SYT16: variants seen among roughly 807,000 people sequenced by gnomAD.
The protein encoded by SYT16 is synaptotagmin-16.
SYT16 carries 42 observed loss-of-function variants against 61.4 expected under a neutral mutation model. The observed-to-expected ratio is 0.68, with a 90% CI of 0.53 to 0.89. The LOEUF (loss-of-function observed/expected upper bound fraction) is 0.89, where lower values mean the gene tolerates loss of function less well. Among genes scored for constraint, SYT16 ranks in the 40% least tolerant of loss-of-function variants. The probability of loss-of-function intolerance (pLI) is 0.00; values close to 1 mark genes in which losing one functional copy is unlikely to be tolerated. For missense variants in SYT16, 804 were observed against 807.3 expected (o/e 1.00, Z 0.05); for synonymous variants, 314 against 302.3 (o/e 1.04, Z -0.40).
chr14:61,899,321 G>A (rs1222629420), intron 1 of SYT16, among the ~76,000 whole-genome samples: 3 of 152,180 alleles, frequency 2.0e-5, no homozygotes, highest in Non-Finnish European at 4.4e-5. Flanking sequence ...AGGAGAGGCT[G>A]CTGAAATCTA....
chr14:61,833,903 C>T (rs1403106394), intron 1 of SYT16, among the ~76,000 whole-genome samples: 1 of 150,314 alleles, frequency 6.7e-6, no homozygotes, highest in Non-Finnish European at 1.5e-5. Context: ...TTCTTTTTCC[C>T]TGTGGAGTCC....
At chr14:61,992,351 G>A (rs1437041222) in intron 2 of SYT16, among the ~76,000 whole-genome samples, 1 of 152,114 alleles carries the variant, frequency 6.6e-6, no homozygotes, top group Non-Finnish European at 1.5e-5. Flanking sequence ...GCGAGGAGTG[G>A]TAAGGAAAGG....
chr14:62,018,854 A>T (rs1809661902), intron 3 of SYT16, among the ~76,000 whole-genome samples: 1 of 151,848 alleles, frequency 6.6e-6, no homozygotes, highest in South Asian at 2.1e-4. Flanking sequence ...TTACTATTGG[A>T]CCTGTTTTAC....
rs545433450 is a variant in SYT16, at chr14:62,067,094, G to A, written c.524-2509G>A. Among the ~76,000 whole-genome samples the A allele has an allele frequency of 6.5e-4, 96 of 148,742 alleles. 1 individual carries two copies. In the South Asian group the frequency reaches 0.018, roughly 28 times the overall value. ...AAGAGTATTCTAAGCACAGGGAACC[G>A]TGTGTGTGCATGTGTGTGTGTGTGT... On this transcript the variant is annotated intron_variant, in intron 3 of 7. Transcript: ENST00000683842.
At chr14:62,083,576 GTGTTGTCTTTTTTC>G (rs777341745) in intron 6 of SYT16, among the ~76,000 whole-genome samples, 61 of 152,302 alleles carry the variant, frequency 4.0e-4, no homozygotes, top group Non-Finnish European at 8.1e-4. Context: ...CACAACCCAT[GTGTTGTCTTTTTTC>G]TCAAACAGTT....
intron 3 of SYT16, among the ~76,000 whole-genome samples, chr14:62,002,166 G>A (rs1022459435): frequency 6.6e-6 from 1 of 152,090 alleles, no homozygotes; most frequent in Admixed American, 6.6e-5. Context: ...TATATGTAGG[G>A]AAAGTATGCG....
chr14:62,048,381 G>A lies in SYT16; in HGVS notation c.524-21222G>A, dbSNP rs191817442. Among the ~76,000 whole-genome samples the A allele has an allele frequency of 9.6e-4, 146 of 151,752 alleles. 1 individual carries two copies. The highest frequency in any genetic ancestry group is 3.5e-3 in the African/African-American group (144 of 41,384). On this transcript the variant is annotated intron_variant, in intron 3 of 7. Transcript: ENST00000683842. Reference sequence around the variant, plus strand: ...TTCTTCTCTCTTTTTTTCTTTATTAGTCTTGCTAGCTGTCTATCAATTTTG... The same window carrying A: ...TTCTTCTCTCTTTTTTTCTTTATTAATCTTGCTAGCTGTCTATCAATTTTG...
At chr14:62,011,868 T>TACACACACACAC (rs1491125020) in intron 3 of SYT16, among the ~76,000 whole-genome samples, 19 of 62,164 alleles carry the variant, frequency 3.1e-4, no homozygotes, top group African/African-American at 8.9e-4. Context: ...CAGGGAACAC[T>TACACACACACAC]ATATATACAC....
In SYT16 at chr14:62,014,254, T is replaced by C. The variant is rs145192593; in HGVS notation, c.523+17712T>C. Among the ~76,000 whole-genome samples the C allele has an allele frequency of 7.9e-5, 12 of 152,316 alleles. No homozygotes were observed. In the East Asian group the frequency reaches 2.3e-3, roughly 29 times the overall value. Reference sequence around the variant, plus strand: ...ACATGTTTAAAAACATAACTAATCATCTTCCTTTCTTAGTTATGGACATCC... The same window carrying C: ...ACATGTTTAAAAACATAACTAATCACCTTCCTTTCTTAGTTATGGACATCC... On this transcript the variant is annotated intron_variant, in intron 3 of 7. Coordinates refer to ENST00000683842, the MANE Select transcript of SYT16 (RefSeq NM_001367656.1).
At chr14:62,073,203 A>G (rs760776836) in intron 4 of SYT16, among the ~76,000 whole-genome samples, 92 of 152,328 alleles carry the variant, frequency 6.0e-4, no homozygotes, top group Non-Finnish European at 8.1e-4. Context: ...GGCTTAATGT[A>G]GCTTTTGAAA....
chr14:61,951,048 A>T (rs1216933967), intron 1 of SYT16, among the ~76,000 whole-genome samples: 1 of 152,222 alleles, frequency 6.6e-6, no homozygotes, highest in Non-Finnish European at 1.5e-5. Flanking sequence ...TCTGAGCTTT[A>T]AAAAGGGACA....
At chr14:61,925,044 C>T (rs1205305660) in intron 1 of SYT16, among the ~76,000 whole-genome samples, 2 of 152,292 alleles carry the variant, frequency 1.3e-5, no homozygotes, top group Non-Finnish European at 2.9e-5. Flanking sequence ...TGGTTTCATC[C>T]AGTTGTTAGA....
At chr14:61,928,569 T>G (rs993704055) in intron 1 of SYT16, among the ~76,000 whole-genome samples, 4 of 152,168 alleles carry the variant, frequency 2.6e-5, no homozygotes, top group Non-Finnish European at 5.9e-5. Flanking sequence ...GATCAGGCAT[T>G]TACCTGATAA....
rs200813166 is a variant in SYT16 at position 61,896,076 on chromosome 14, A to ATT, written c.-324-74044_-324-74043dup. Among the ~76,000 whole-genome samples, 336 of 142,096 alleles carry ATT rather than the reference A, an allele frequency of 2.4e-3. 2 individuals are homozygous for ATT. Among genetic ancestry groups the ATT allele is most frequent in the African/African-American group, 8.3e-3 (322 of 38,902 alleles). The allele number at this position is 142,096 out of a possible 152,430, so 93.2% of individuals were successfully genotyped here. A position where few individuals can be genotyped will look rare whatever the true frequency, so the allele number is the denominator to read the frequency against. ...GATCTCAACTGGTCGCTTTGGAGCC[A>ATT]TTTTTTTTTTTTTGGAACTTGGTGG... is the stretch of plus-strand genomic sequence containing the variant. On this transcript the variant is annotated intron_variant, in intron 1 of 7. Coordinates refer to ENST00000683842, the MANE Select transcript of SYT16 (RefSeq NM_001367656.1).
intron 2 of SYT16, among the ~76,000 whole-genome samples, chr14:61,972,252 G>C (rs2051592915): frequency 6.6e-6 from 1 of 152,130 alleles, no homozygotes; most frequent in African/African-American, 2.4e-5. Flanking sequence ...GATTAAAGTT[G>C]GTGATGTTTT....
rs2045459356 is a variant in SYT16, at chr14:61,817,013, ACACACACAC to A, written c.-325+4204_-325+4212del. Among the ~76,000 whole-genome samples, 16 of 144,848 alleles carry A rather than the reference ACACACACAC, an allele frequency of 1.1e-4. 1 individual carries two copies. The highest frequency in any genetic ancestry group is 1.1e-4 in the African/African-American group (4 of 37,776). ...GCGACAGAGTGAGGCTCCGTCACACACACACACACACACACAAAAAAAGCATTTTCCCCA... is the reference window on the plus strand; with the variant it reads ...GCGACAGAGTGAGGCTCCGTCACACAACACACAAAAAAAGCATTTTCCCCA... On this transcript the variant is annotated intron_variant, in intron 1 of 7. Transcript: ENST00000683842.
intron 1 of SYT16, among the ~76,000 whole-genome samples, chr14:61,969,370 G>C (rs2051447387): frequency 6.6e-6 from 1 of 152,096 alleles, no homozygotes; most frequent in Admixed American, 6.6e-5. Flanking sequence ...TGGTCTCCCT[G>C]TTATATATAC....
intron 3 of SYT16, among the ~76,000 whole-genome samples, chr14:62,002,176 G>A (rs999023209): frequency 9.2e-5 from 14 of 151,766 alleles, no homozygotes; most frequent in Non-Finnish European, 1.8e-4. Context: ...GAAAGTATGC[G>A]ATATTTTTTG....
chr14:62,050,058 G>A lies in SYT16; in HGVS notation c.524-19545G>A, dbSNP rs189542308. Reference sequence around the variant, plus strand: ...GGGAAGTTCTCCTGGAAAATATCCTGCAGAGTGTTTTCCAACTTGCCTCCA... The same window carrying A: ...GGGAAGTTCTCCTGGAAAATATCCTACAGAGTGTTTTCCAACTTGCCTCCA... On this transcript the variant is annotated intron_variant, in intron 3 of 7. Transcript: ENST00000683842. Among the ~76,000 whole-genome samples the A allele has an allele frequency of 3.2e-4, 49 of 152,300 alleles. 1 individual carries two copies. The East Asian group carries it at 8.7e-3, about 27-fold the overall frequency.
Sources: allele counts gnomAD v4.1 joint callset (sites outside exome capture counted in the v4.1 genomes callset), GRCh38; gene constraint gnomAD v4.1.1; transcripts MANE v1.5; gene names NCBI Gene and HGNC (gene_info 2026-07-23, HGNC 2026-07-21).